The following CSMD1 variants were observed in gnomAD, a reference collection of about 807,000 sequenced individuals.
CSMD1 encodes the protein CUB and sushi domain-containing protein 1.
In CSMD1, 213 loss-of-function variants were observed where a neutral mutation model predicts 417.5. The observed-to-expected ratio is 0.51, with a 90% CI of 0.46 to 0.57. The LOEUF (loss-of-function observed/expected upper bound fraction) is 0.57. Ranked by LOEUF, CSMD1 falls within the 20% of genes least tolerant of loss-of-function variation. The pLI is 0.00. For synonymous variants in CSMD1, 2,862 were observed against 1,736.8 expected (o/e 1.65, Z -16.11); for missense variants, 6,923 against 4,529.7 (o/e 1.53, Z -15.17).
intron 1 of CSMD1, among the ~76,000 whole-genome samples, chr8:4,698,066 T>G (rs1393233246): frequency 6.6e-6 from 1 of 151,642 alleles, no homozygotes; most frequent in Non-Finnish European, 1.5e-5. Flanking sequence ...AAATATTAAG[T>G]GAAGTTCCCA....
chr8:3,528,198 G>A (rs761893049), intron 10 of CSMD1, among the ~76,000 whole-genome samples: 1 of 152,184 alleles, frequency 6.6e-6, no homozygotes. Flanking sequence ...GTTTGATTTT[G>A]TTGCACAAAT....
intron 10 of CSMD1, among the ~76,000 whole-genome samples, chr8:3,520,933 T>A (rs889957013): frequency 6.6e-6 from 1 of 152,156 alleles, no homozygotes; most frequent in African/African-American, 2.4e-5. Context: ...GGGATGATTG[T>A]TGGTTCCTCC....
intron 2 of CSMD1, among the ~76,000 whole-genome samples, chr8:4,602,089 T>G (rs983387821): frequency 6.6e-6 from 1 of 152,198 alleles, no homozygotes; most frequent in Non-Finnish European, 1.5e-5. Flanking sequence ...AAGTTACCAA[T>G]TGCCTTTATT....
rs1406856904 is a variant in CSMD1, at chr8:3,926,977, G to A, written c.818+70926C>T. On this transcript the variant is annotated intron_variant, in intron 5 of 69. Coordinates refer to ENST00000635120, the MANE Select transcript of CSMD1 (RefSeq NM_033225.6). ...GATCCACCCACCTCGGCCTCCCAAA[G>A]TGCTAGGATTACAGGCGTGAGCCAC... is the stretch of plus-strand genomic sequence containing the variant. Among the ~76,000 whole-genome samples the A allele has an allele frequency of 2.0e-5, 3 of 151,882 alleles. No homozygotes were observed. In the South Asian group the frequency reaches 6.2e-4, roughly 31 times the overall value.
chr8:3,711,519 T>C (rs987629362), intron 6 of CSMD1, among the ~76,000 whole-genome samples: 1 of 152,210 alleles, frequency 6.6e-6, no homozygotes, highest in East Asian at 1.9e-4. Context: ...AGAGAGGGAC[T>C]TGCTCTGGTG....
At chr8:4,954,689 T>C (rs1366700048) in intron 1 of CSMD1, among the ~76,000 whole-genome samples, 2 of 152,194 alleles carry the variant, frequency 1.3e-5, no homozygotes, top group Non-Finnish European at 2.9e-5. Flanking sequence ...ATGTTCCTTA[T>C]AAGCTATCAT....
At chr8:3,903,410 A>T (rs1382839768) in intron 5 of CSMD1, among the ~76,000 whole-genome samples, 1 of 152,176 alleles carries the variant, frequency 6.6e-6, no homozygotes, top group Non-Finnish European at 1.5e-5. Context: ...CCAATGCCAG[A>T]GCATTAATAT....
chr8:4,045,878 G>A (rs1011842989), intron 3 of CSMD1, among the ~76,000 whole-genome samples: 1 of 151,256 alleles, frequency 6.6e-6, no homozygotes, highest in South Asian at 2.1e-4. Context: ...TTTTTAATTA[G>A]AGTTTTTATG....
At position 3,897,952 on chromosome 8, in the gene CSMD1, T is replaced by C. The variant is rs1055250640; in HGVS notation, c.818+99951A>G. On this transcript the variant is annotated intron_variant, in intron 5 of 69. Transcript: ENST00000635120. ...TAGATATAGTTATATAATCACCAAA[T>C]GAAGACACAAAATCAAAATCTAGTC... Among the ~76,000 whole-genome samples the C allele has an allele frequency of 7.2e-5, 11 of 152,302 alleles. No homozygotes were observed. The South Asian group carries it at 8.3e-4, about 11-fold the overall frequency.
chr8:3,310,987 G>T (rs552929657), intron 23 of CSMD1, among the ~76,000 whole-genome samples: 3 of 152,184 alleles, frequency 2.0e-5, no homozygotes, highest in African/African-American at 7.2e-5. Flanking sequence ...GGACTAAGAA[G>T]TGGTCAAGAT....
intron 3 of CSMD1, among the ~76,000 whole-genome samples, chr8:4,243,660 T>A (rs1229527343): frequency 6.6e-6 from 1 of 152,170 alleles, no homozygotes; most frequent in Non-Finnish European, 1.5e-5. Context: ...AACACATGTG[T>A]GATATTGCAA....
chr8:3,967,164 A>T (rs1189753748), intron 5 of CSMD1, among the ~76,000 whole-genome samples: 1 of 151,116 alleles, frequency 6.6e-6, no homozygotes, highest in Non-Finnish European at 1.5e-5. Context: ...TAAAATGTTT[A>T]TGTATTCCTT....
intron 3 of CSMD1, among the ~76,000 whole-genome samples, chr8:4,279,430 G>A (rs1395970274): frequency 1.3e-5 from 2 of 152,144 alleles, no homozygotes; most frequent in Non-Finnish European, 2.9e-5. Context: ...TGGCAGTATT[G>A]TCCTTGGATA....
At chr8:4,526,305 A>G (rs954855100) in intron 2 of CSMD1, among the ~76,000 whole-genome samples, 2 of 152,244 alleles carry the variant, frequency 1.3e-5, no homozygotes, top group Admixed American at 1.3e-4. Context: ...TAGGAAATGT[A>G]TTAATGTCAG....
At chr8:4,253,362 G>A (rs192716848) in intron 3 of CSMD1, among the ~76,000 whole-genome samples, 16 of 149,446 alleles carry the variant, frequency 1.1e-4, no homozygotes, top group African/African-American at 2.5e-4. Context: ...TTATAATTAC[G>A]CATTTAAATG....
At chr8:4,409,054 C>T (rs768903485) in intron 3 of CSMD1, among the ~76,000 whole-genome samples, 14 of 152,108 alleles carry the variant, frequency 9.2e-5, no homozygotes, top group Admixed American at 5.9e-4. Context: ...GGTGCACATT[C>T]GGCATTGAAT....
chr8:3,443,494 G>A (rs1442249004), intron 12 of CSMD1, among the ~76,000 whole-genome samples: 1 of 152,214 alleles, frequency 6.6e-6, no homozygotes, highest in Non-Finnish European at 1.5e-5. Context: ...ATCTACATAT[G>A]TGTGCGTCTG....
chr8:4,177,374 G>A (rs951870280), intron 3 of CSMD1, among the ~76,000 whole-genome samples: 5 of 151,976 alleles, frequency 3.3e-5, no homozygotes, highest in Non-Finnish European at 7.4e-5. Flanking sequence ...GATGTTCTTT[G>A]AAACCAACGA....
At chr8:3,733,783 G>A (rs754986393) in intron 6 of CSMD1, among the ~76,000 whole-genome samples, 12 of 152,098 alleles carry the variant, frequency 7.9e-5, no homozygotes, top group South Asian at 2.1e-4. Flanking sequence ...GATGGCAAGC[G>A]GGTGGATACT....
Sources: gnomAD v4.1 joint callset for allele counts (sites outside exome capture counted in the v4.1 genomes callset) on GRCh38, gnomAD v4.1.1 for gene constraint, MANE v1.5 for transcripts, NCBI Gene and HGNC (gene_info 2026-07-23, HGNC 2026-07-21) for gene names.